GARIN2: variants seen among roughly 807,000 people sequenced by gnomAD.
GARIN2 encodes Golgi-associated RAB2 interactor protein 2.
chr14:67,224,623 A>G, the GARIN2 span: 1 of 299,722 alleles, frequency 3.3e-6, no homozygotes, highest in Non-Finnish European at 6.5e-6. Context: ...CTTAACTTTT[A>G]AATTTTTTTT....
chr14:67,203,324 T>G, the GARIN2 span: 1 of 1,517,172 alleles, frequency 6.6e-7, no homozygotes, highest in Non-Finnish European at 8.9e-7. Flanking sequence ...GTTAAAGATC[T>G]CTCAGAAGAT....
chr14:67,210,595 G>A, the GARIN2 span, among the ~76,000 whole-genome samples: 1 of 152,008 alleles, frequency 6.6e-6, no homozygotes, highest in Non-Finnish European at 1.5e-5. Context: ...ATAAATATTT[G>A]TTGTAGCTAT....
chr14:67,193,954 C>CAAAAAAAACACAAA, the GARIN2 span, among the ~76,000 whole-genome samples: 4 of 85,750 alleles, frequency 4.7e-5, no homozygotes, highest in East Asian at 1.3e-3. Flanking sequence ...CAAAAAAAAA[C>CAAAAAAAACACAAA]AAAAAAAAAA....
At chr14:67,216,247 A>T in the GARIN2 span, among the ~76,000 whole-genome samples, 1 of 151,984 alleles carries the variant, frequency 6.6e-6, no homozygotes, top group South Asian at 2.1e-4. Flanking sequence ...TTTCTTGAGG[A>T]TTTTGTCATC....
the GARIN2 span, chr14:67,223,691 T>C: frequency 2.1e-6 from 2 of 957,496 alleles, no homozygotes; most frequent in Non-Finnish European, 2.5e-6. Context: ...TGTTTTCTCT[T>C]ATGTATTTCT....
At chr14:67,192,982 ATC>A in the GARIN2 span, among the ~76,000 whole-genome samples, 58 of 146,062 alleles carry the variant, frequency 4.0e-4, no homozygotes, top group Non-Finnish European at 7.2e-4. Context: ...CTAGATATAG[ATC>A]TCTCTATATA....
At chr14:67,192,640 T>C in the GARIN2 span, among the ~76,000 whole-genome samples, 4 of 151,890 alleles carry the variant, frequency 2.6e-5, no homozygotes, top group African/African-American at 9.7e-5. Context: ...CTGGCCACAA[T>C]TATTTTGCCA....
chr14:67,199,371 A>G, the GARIN2 span: 38 of 1,614,072 alleles, frequency 2.4e-5, no homozygotes, highest in Middle Eastern at 1.7e-4. Context: ...AACATTTTCA[A>G]TGGGAACCTG....
At chr14:67,225,972 CGCGT>C in the GARIN2 span, among the ~76,000 whole-genome samples, 17 of 107,322 alleles carry the variant, frequency 1.6e-4, no homozygotes, top group Admixed American at 1.0e-3. Context: ...TGCGCGCGCG[CGCGT>C]GCGCATGCGC....
At chr14:67,203,130 C>T in the GARIN2 span, 10 of 1,613,744 alleles carry the variant, frequency 6.2e-6, no homozygotes, top group East Asian at 1.1e-4. Flanking sequence ...CCTTCATAAC[C>T]GAGCCAACTG....
chr14:67,195,112 C>T, the GARIN2 span, among the ~76,000 whole-genome samples: 587 of 152,334 alleles, frequency 3.9e-3, 6 homozygotes, highest in African/African-American at 0.013. Flanking sequence ...TTAGCACACA[C>T]TTCTCAGCTA....
chr14:67,199,191 A>G, the GARIN2 span: 35 of 1,606,084 alleles, frequency 2.2e-5, 1 homozygote, highest in South Asian at 3.6e-4. Context: ...CAACACCCAC[A>G]TGCCAAAGGA....
chr14:67,195,008 G>A, the GARIN2 span, among the ~76,000 whole-genome samples: 1 of 152,156 alleles, frequency 6.6e-6, no homozygotes, highest in Non-Finnish European at 1.5e-5. Flanking sequence ...CCCAAGCCTG[G>A]ACTAATTAAC....
the GARIN2 span, chr14:67,204,973 G>A: frequency 6.3e-7 from 1 of 1,586,758 alleles, no homozygotes; most frequent in Non-Finnish European, 8.6e-7. Flanking sequence ...TGTCACAGAA[G>A]TCATAGAAGT....
At chr14:67,219,133 T>C in the GARIN2 span, among the ~76,000 whole-genome samples, 3 of 152,122 alleles carry the variant, frequency 2.0e-5, no homozygotes, top group Non-Finnish European at 4.4e-5. Flanking sequence ...CCTTGTGCTC[T>C]TAACCTGGGG....
chr14:67,208,298 A>G, the GARIN2 span: 7 of 1,614,040 alleles, frequency 4.3e-6, no homozygotes, highest in Non-Finnish European at 5.1e-6. Context: ...CATCTCAAAC[A>G]TAACACTGAC....
chr14:67,225,962 T>TGTGTGCGCGCGCGC, the GARIN2 span, among the ~76,000 whole-genome samples: 4 of 113,490 alleles, frequency 3.5e-5, no homozygotes, highest in African/African-American at 2.0e-4. Context: ...TGTGTGTGTG[T>TGTGTGCGCGCGCGC]GCGCGCGCGC....
chr14:67,201,673 G>T, the GARIN2 span: 1 of 382,118 alleles, frequency 2.6e-6, no homozygotes, highest in South Asian at 2.0e-5. Context: ...CCCTGAGCTG[G>T]GTCATCATCC....
the GARIN2 span, among the ~76,000 whole-genome samples, chr14:67,201,899 C>T: frequency 3.9e-5 from 6 of 152,174 alleles, no homozygotes; most frequent in African/African-American, 1.4e-4. Context: ...TCTTCTTCTA[C>T]CAAGTGGCAG....
Sources: allele counts gnomAD v4.1 joint callset (sites outside exome capture counted in the v4.1 genomes callset), GRCh38; gene constraint gnomAD v4.1.1; transcripts MANE v1.5; gene names NCBI Gene and HGNC (gene_info 2026-07-23, HGNC 2026-07-21).